The following ERI1 variants were observed in gnomAD, a reference collection of about 807,000 sequenced individuals.
ERI1 encodes 3'-5' exoribonuclease 1.
In ERI1, 39 loss-of-function variants were observed where a neutral mutation model predicts 39.7. The observed-to-expected ratio is 0.98, with a 90% CI of 0.76 to 1.28. The LOEUF is 1.28. Among genes scored for constraint, ERI1 ranks in the 50% most tolerant of loss-of-function variants. The probability of loss-of-function intolerance (pLI) is 0.00; values close to 1 mark genes in which losing one functional copy is unlikely to be tolerated. For missense variants in ERI1, 581 were observed against 416.9 expected (o/e 1.39, Z -3.43); for synonymous variants, 204 against 149.6 (o/e 1.36, Z -2.65).
intron 6 of ERI1, among the ~76,000 whole-genome samples, chr8:9,020,734 A>G (rs943425828): frequency 2.0e-5 from 3 of 152,196 alleles, no homozygotes; most frequent in Admixed American, 6.5e-5. Context: ...TCATGGAGCA[A>G]ATGCTCCCCA....
intron 3 of ERI1, among the ~76,000 whole-genome samples, chr8:9,061,486 T>C (rs1219116512): frequency 6.6e-6 from 1 of 152,164 alleles, no homozygotes; most frequent in Non-Finnish European, 1.5e-5. Flanking sequence ...TAGTTTGTGA[T>C]TTTAAAGGTC....
chr8:9,016,621 G>C (rs113799003), intron 4 of ERI1, among the ~76,000 whole-genome samples: 1 of 151,482 alleles, frequency 6.6e-6, no homozygotes, highest in African/African-American at 2.4e-5. Flanking sequence ...AGTTGTAGTG[G>C]TGAATCGAAA....
intron 6 of ERI1, among the ~76,000 whole-genome samples, chr8:9,024,345 A>T (rs947154370): frequency 1.3e-5 from 2 of 152,160 alleles, no homozygotes; most frequent in African/African-American, 4.8e-5. Context: ...ATCAAGCGCA[A>T]ATGTGGAGTT....
chr8:9,094,083 T>G (rs1400456531), intron 3 of ERI1, among the ~76,000 whole-genome samples: 2 of 152,194 alleles, frequency 1.3e-5, no homozygotes, highest in African/African-American at 4.8e-5. Flanking sequence ...TTTTTAATAA[T>G]AACAAGTATA....
At chr8:9,089,938 G>T (rs758455509) in intron 3 of ERI1, among the ~76,000 whole-genome samples, 1 of 152,060 alleles carries the variant, frequency 6.6e-6, no homozygotes, top group Non-Finnish European at 1.5e-5. Flanking sequence ...AATTATCCAA[G>T]AGAACGGCTC....
chr8:9,040,065 G>A (rs188057300), intron 3 of ERI1, among the ~76,000 whole-genome samples: 3 of 152,164 alleles, frequency 2.0e-5, no homozygotes, highest in Admixed American at 1.3e-4. Flanking sequence ...TTGTTCTGTG[G>A]ATGAGTTTTT....
At chr8:9,084,366 CTT>C (rs980280707) in intron 3 of ERI1, among the ~76,000 whole-genome samples, 10 of 152,150 alleles carry the variant, frequency 6.6e-5, no homozygotes, top group African/African-American at 2.4e-4. Flanking sequence ...TGCTTTGTAA[CTT>C]TCTACTTCTC....
chr8:9,011,804 G>A, intron 3 of ERI1, 52 bp downstream of exon 3: 1 of 1,382,292 alleles, frequency 7.2e-7, no homozygotes, highest in Admixed American at 2.0e-5. Context: ...CTATTCTGGT[G>A]TTTACTGGTT....
chr8:9,008,083 C>G lies in ERI1; in HGVS notation c.222C>G (p.Gly74=). The G allele has an allele frequency of 6.2e-7, 1 of 1,612,524 alleles. No homozygotes were observed. The highest frequency in any genetic ancestry group is 1.1e-5 in the South Asian group (1 of 90,852). ...PVYKEIAITN[G]CINRMSKEEL... ...ACAAAGAGATTGCCATTACGAATGG[C>G]TGTATTAATAGAATGAGTAAGGAAG... is the stretch of plus-strand genomic sequence containing the variant. Residue 74 remains glycine, a synonymous_variant, in exon 2 of 7, where the codon GGC becomes GGG. Coordinates refer to ENST00000250263, the MANE Select transcript of ERI1 (RefSeq NM_153332.4).
At chr8:9,023,573 T>G (rs1236935766) in intron 6 of ERI1, among the ~76,000 whole-genome samples, 1 of 152,082 alleles carries the variant, frequency 6.6e-6, no homozygotes, top group African/African-American at 2.4e-5. Context: ...TTGGCCAGTT[T>G]GTTAGCCTGC....
At chr8:9,037,434 A>T (rs1354072202), downstream of ERI1, among the ~76,000 whole-genome samples, 1 of 151,086 alleles carries the variant, frequency 6.6e-6, no homozygotes. Flanking sequence ...TGTTCATTGC[A>T]CTTTTGTTAC....
At chr8:9,025,700 T>TGTG (rs1554519247) in intron 6 of ERI1, among the ~76,000 whole-genome samples, 230 of 81,626 alleles carry the variant, frequency 2.8e-3, no homozygotes, top group East Asian at 0.012. Context: ...AATCTTTTTT[T>TGTG]TTTGTGTGTG....
chr8:9,004,460 C>T (rs1237496891), intron 1 of ERI1, among the ~76,000 whole-genome samples: 2 of 143,658 alleles, frequency 1.4e-5, no homozygotes, highest in African/African-American at 5.2e-5. Context: ...TAAAAACTTA[C>T]TGTTGCATGC....
intron 1 of ERI1, among the ~76,000 whole-genome samples, chr8:9,005,786 G>A (rs1332330787): frequency 2.0e-5 from 3 of 152,170 alleles, no homozygotes; most frequent in Admixed American, 6.5e-5. Context: ...GAGCCAACGC[G>A]CCCGGCCTCA....
intron 3 of ERI1, among the ~76,000 whole-genome samples, chr8:9,084,343 A>G (rs1799461197): frequency 6.6e-6 from 1 of 152,116 alleles, no homozygotes. Flanking sequence ...AATTCCAGAG[A>G]GCTGGACTTT....
chr8:9,049,325 G>C (rs1225704608), intron 3 of ERI1, among the ~76,000 whole-genome samples: 1 of 83,222 alleles, frequency 1.2e-5, no homozygotes, highest in Non-Finnish European at 2.2e-5. Flanking sequence ...GACAGAGTGA[G>C]ACTCCGTCTC....
In ERI1 at chr8:9,016,430, T is replaced by C. The variant is rs546173439; in HGVS notation, c.582+25T>C. ...GGTTATAATTCTAAGTTCTTCTTTCTAGAGTTTGAAAGAGTTCTTGAAATT... is the reference window on the plus strand; with the variant it reads ...GGTTATAATTCTAAGTTCTTCTTTCCAGAGTTTGAAAGAGTTCTTGAAATT... On this transcript the variant is annotated intron_variant, in intron 4 of 6. Coordinates refer to ENST00000250263, the MANE Select transcript of ERI1 (RefSeq NM_153332.4). 4.1e-6 allele frequency: 6 copies of C among 1,449,222 alleles called. No homozygotes were observed. The East Asian group carries it at 1.4e-4, about 35-fold the overall frequency. The allele number at this position is 1,449,222 out of a possible 1,614,324, so 89.8% of individuals were successfully genotyped here. A position where few individuals can be genotyped will look rare whatever the true frequency, so the allele number is the denominator to read the frequency against.
chr8:9,025,698 T>TG (rs1231286495), intron 6 of ERI1, among the ~76,000 whole-genome samples: 125 of 122,214 alleles, frequency 1.0e-3, no homozygotes, highest in African/African-American at 3.1e-3. Context: ...TTAATCTTTT[T>TG]TTTTTGTGTG....
intron 3 of ERI1, among the ~76,000 whole-genome samples, chr8:9,063,279 T>A (rs1452216798): frequency 6.6e-6 from 1 of 152,150 alleles, no homozygotes; most frequent in Non-Finnish European, 1.5e-5. Flanking sequence ...TTTTTATATT[T>A]GATGAAAAAG....
Sources: allele counts gnomAD v4.1 joint callset (sites outside exome capture counted in the v4.1 genomes callset), GRCh38; gene constraint gnomAD v4.1.1; transcripts MANE v1.5; gene names NCBI Gene and HGNC (gene_info 2026-07-23, HGNC 2026-07-21).